PITPNC1: variants seen among roughly 807,000 people sequenced by gnomAD.
PITPNC1 encodes the protein phosphatidylinositol transfer protein cytoplasmic 1.
Under a neutral mutation model 44.7 loss-of-function variants are expected in PITPNC1, and 18 were observed. The ratio of observed to expected loss-of-function variants is 0.40; its 90% CI spans 0.28 to 0.60. The LOEUF (loss-of-function observed/expected upper bound fraction) is 0.60. PITPNC1 is among the 20% of genes least tolerant of loss of function. PITPNC1 has a pLI of 0.39. For missense variants in PITPNC1, 290 were observed against 418.4 expected, an observed-to-expected ratio of 0.69 and a Z score of 2.68; for synonymous variants, 141 against 149.6, an observed-to-expected ratio of 0.94 and a Z score of 0.42.
intron 8 of PITPNC1, 22 bp from the exon 9 acceptor site, chr17:67,692,550 C>T (rs761707607): frequency 6.4e-7 from 1 of 1,571,750 alleles, no homozygotes; most frequent in African/African-American, 1.4e-5. Flanking sequence ...GCTCGTTTTT[C>T]TTTCTGTTTT....
chr17:67,459,383 G>A (rs548522372), intron 1 of PITPNC1, among the ~76,000 whole-genome samples: 9 of 152,158 alleles, frequency 5.9e-5, no homozygotes, highest in Admixed American at 5.9e-4. Flanking sequence ...CTCCCAAAGT[G>A]TTGGGATTAC....
chr17:67,630,444 C>T (rs2041950950), intron 5 of PITPNC1, among the ~76,000 whole-genome samples: 1 of 152,044 alleles, frequency 6.6e-6, no homozygotes, highest in African/African-American at 2.4e-5. Flanking sequence ...ATGGTGAAAC[C>T]CCCATCTCTA....
chr17:67,533,539 C>T (rs1407156422), intron 2 of PITPNC1, among the ~76,000 whole-genome samples: 1 of 152,150 alleles, frequency 6.6e-6, no homozygotes, highest in Admixed American at 6.5e-5. Flanking sequence ...TTGTCTCATC[C>T]CTTGGTTCAG....
chr17:67,582,882 G>C (rs2041254359), intron 5 of PITPNC1, among the ~76,000 whole-genome samples: 2 of 152,232 alleles, frequency 1.3e-5, no homozygotes, highest in Non-Finnish European at 2.9e-5. Context: ...AGCTGAATGA[G>C]AGGCTGCCCA....
chr17:67,462,422 G>T (rs948695952), intron 1 of PITPNC1, among the ~76,000 whole-genome samples: 42 of 151,560 alleles, frequency 2.8e-4, no homozygotes, highest in Admixed American at 7.9e-4. Flanking sequence ...ATTAGAAATG[G>T]GGTTTCACTA....
chr17:67,591,119 AAAACAAAC>A (rs577857241), intron 5 of PITPNC1, among the ~76,000 whole-genome samples: 41 of 152,116 alleles, frequency 2.7e-4, no homozygotes, highest in African/African-American at 6.0e-4. Flanking sequence ...GTTCTTGTCA[AAAACAAAC>A]AAACAAACAA....
chr17:67,613,437 A>G (rs1044140743), intron 5 of PITPNC1: 3 of 152,216 alleles, frequency 2.0e-5, no homozygotes, highest in African/African-American at 4.8e-5. Context: ...ATAGATGTTC[A>G]CTGTGTTATT....
intron 2 of PITPNC1, among the ~76,000 whole-genome samples, chr17:67,548,282 A>G (rs1326259189): frequency 6.6e-6 from 1 of 152,158 alleles, no homozygotes; most frequent in East Asian, 1.9e-4. Context: ...GTTCTATTTT[A>G]TACCAACGTT....
chr17:67,449,306 C>T (rs1437428946), intron 1 of PITPNC1, among the ~76,000 whole-genome samples: 5 of 152,134 alleles, frequency 3.3e-5, no homozygotes, highest in Non-Finnish European at 1.5e-5. Flanking sequence ...AGAAGTTAAA[C>T]GTGACTCAGA....
chr17:67,505,917 G>T (rs1254256242), intron 1 of PITPNC1, among the ~76,000 whole-genome samples: 2 of 152,192 alleles, frequency 1.3e-5, no homozygotes, highest in East Asian at 1.9e-4. Context: ...GTGTTTCTTC[G>T]TATTTTTGGC....
At chr17:67,664,936 G>A (rs1431271716) in intron 6 of PITPNC1, among the ~76,000 whole-genome samples, 2 of 151,344 alleles carry the variant, frequency 1.3e-5, no homozygotes, top group African/African-American at 4.9e-5. Context: ...AGAAGACTTT[G>A]TTTCTTTGTA....
intron 2 of PITPNC1, among the ~76,000 whole-genome samples, chr17:67,544,566 T>C (rs1253827907): frequency 6.6e-6 from 1 of 152,268 alleles, no homozygotes; most frequent in African/African-American, 2.4e-5. Flanking sequence ...TAACGGTGAT[T>C]CCGCCTAATG....
In PITPNC1 at chr17:67,423,068, C is replaced by G. The variant is rs553157380; in HGVS notation, c.48+44866C>G. ...AATTGCATTACGGCTCAACTGCTAA[C>G]TGTTTTGATATGTTGAACAAAGTCC... On this transcript the variant is annotated intron_variant, in intron 1 of 8. Coordinates refer to ENST00000581322, the MANE Select transcript of PITPNC1 (RefSeq NM_012417.4). Among the ~76,000 whole-genome samples the G allele has an allele frequency of 2.6e-5, 4 of 151,950 alleles. No homozygotes were observed. The South Asian group carries it at 8.3e-4, about 32-fold the overall frequency.
chr17:67,471,018 A>G (rs1377955456), intron 1 of PITPNC1, among the ~76,000 whole-genome samples: 2 of 123,588 alleles, frequency 1.6e-5, no homozygotes, highest in Non-Finnish European at 3.3e-5. Context: ...GCTCGTTAAG[A>G]GTCATCACCA....
chr17:67,385,559 A>G (rs1483768858), intron 1 of PITPNC1, among the ~76,000 whole-genome samples: 1 of 144,798 alleles, frequency 6.9e-6, no homozygotes, highest in South Asian at 2.2e-4. Flanking sequence ...TGCTGTTCAC[A>G]CTAAATCTTC....
chr17:67,507,482 C>G (rs569874302), intron 1 of PITPNC1, among the ~76,000 whole-genome samples: 2 of 151,910 alleles, frequency 1.3e-5, no homozygotes, highest in African/African-American at 2.4e-5. Context: ...GTCACAAGTT[C>G]GAGACCAGCC....
At chr17:67,636,953 G>C (rs987814462) in intron 6 of PITPNC1, among the ~76,000 whole-genome samples, 7 of 152,134 alleles carry the variant, frequency 4.6e-5, no homozygotes, top group African/African-American at 1.7e-4. Flanking sequence ...TTAGAGTTCA[G>C]CTCACACAGG....
intron 4 of PITPNC1, among the ~76,000 whole-genome samples, chr17:67,575,429 T>C (rs2144224235): frequency 6.6e-6 from 1 of 152,370 alleles, no homozygotes; most frequent in African/African-American, 2.4e-5. Context: ...AGGCAATTAC[T>C]GGGATTGATT....
At chr17:67,473,538 C>T (rs952818387) in intron 1 of PITPNC1, among the ~76,000 whole-genome samples, 2 of 151,976 alleles carry the variant, frequency 1.3e-5, no homozygotes, top group African/African-American at 2.4e-5. Flanking sequence ...TCACCGACCT[C>T]GTGATCTGCA....
Sources: gnomAD v4.1 joint callset for allele counts (sites outside exome capture counted in the v4.1 genomes callset) on GRCh38, gnomAD v4.1.1 for gene constraint, MANE v1.5 for transcripts, NCBI Gene and HGNC (gene_info 2026-07-23, HGNC 2026-07-21) for gene names.